Variants in PID1 observed in about 807,000 individuals in gnomAD.
PID1 encodes phosphotyrosine interaction domain containing 1.
A neutral mutation model predicts 19.1 loss-of-function variants in PID1; 10 were observed. The ratio of observed to expected loss-of-function variants is 0.52; its 90% CI spans 0.32 to 0.89. The LOEUF is 0.89. PID1 is among the 40% of genes least tolerant of loss of function. PID1 has a pLI of 0.03. For missense variants in PID1, 248 were observed against 285.3 expected, an observed-to-expected ratio of 0.87 and a Z score of 0.94; for synonymous variants, 130 against 116.0, an observed-to-expected ratio of 1.12 and a Z score of -0.78.
At chr2:229,248,763 AT>A (rs202178326) in intron 1 of PID1, among the ~76,000 whole-genome samples, 4,442 of 151,322 alleles carry the variant, frequency 0.029, 190 homozygotes, top group African/African-American at 0.096. Flanking sequence ...TCATAGACTT[AT>A]TTTTTTTTAA....
chr2:229,112,361 C>G (rs1310353238), intron 2 of PID1, among the ~76,000 whole-genome samples: 2 of 152,198 alleles, frequency 1.3e-5, no homozygotes, highest in African/African-American at 4.8e-5. Flanking sequence ...CTTACACCAT[C>G]ATTGGAGTTC....
intron 2 of PID1, among the ~76,000 whole-genome samples, chr2:229,113,370 G>A (rs1162301616): frequency 1.4e-5 from 2 of 146,876 alleles, no homozygotes; most frequent in African/African-American, 2.5e-5. Flanking sequence ...TTAATGTCTG[G>A]AGCCCCTACT....
At chr2:229,216,010 G>C (rs1166949538) in intron 1 of PID1, among the ~76,000 whole-genome samples, 2 of 152,152 alleles carry the variant, frequency 1.3e-5, no homozygotes, top group Non-Finnish European at 2.9e-5. Flanking sequence ...ATACCAGGAG[G>C]AGTTCAGCAA....
At chr2:229,167,556 G>A (rs1398906906) in intron 1 of PID1, among the ~76,000 whole-genome samples, 1 of 152,032 alleles carries the variant, frequency 6.6e-6, no homozygotes, top group Non-Finnish European at 1.5e-5. Flanking sequence ...AGTTATAAAA[G>A]GCAGAGAATG....
chr2:229,211,832 T>C (rs570252075), intron 1 of PID1, among the ~76,000 whole-genome samples: 1 of 152,326 alleles, frequency 6.6e-6, no homozygotes, highest in East Asian at 1.9e-4. Flanking sequence ...TAGCCTGCAG[T>C]GAAATGTTTG....
intron 2 of PID1, among the ~76,000 whole-genome samples, chr2:229,140,233 C>A (rs935306294): frequency 6.6e-6 from 1 of 152,002 alleles, no homozygotes; most frequent in South Asian, 2.1e-4. Context: ...AATACATAGG[C>A]CGACACTGGA....
intron 1 of PID1, among the ~76,000 whole-genome samples, chr2:229,180,865 C>T (rs538417713): frequency 2.0e-5 from 3 of 152,326 alleles, no homozygotes; most frequent in South Asian, 2.1e-4. Flanking sequence ...CCCTTCGGAA[C>T]GGCGCTCGCC....
intron 1 of PID1, among the ~76,000 whole-genome samples, chr2:229,209,648 A>G (rs940317985): frequency 6.6e-6 from 1 of 152,240 alleles, no homozygotes. Context: ...TTCATATATT[A>G]CATCCTATTA....
At chr2:229,109,888 T>C (rs1353006747) in intron 2 of PID1, among the ~76,000 whole-genome samples, 1 of 152,078 alleles carries the variant, frequency 6.6e-6, no homozygotes, top group Non-Finnish European at 1.5e-5. Context: ...CAAACCACAG[T>C]TTTTTCCCTT....
chr2:229,139,011 G>GAAAGAAAGAAAGAA (rs1394293273), intron 2 of PID1, among the ~76,000 whole-genome samples: 8 of 86,166 alleles, frequency 9.3e-5, no homozygotes, highest in Non-Finnish European at 1.8e-4. Context: ...AAGAAAGAAA[G>GAAAGAAAGAAAGAA]AAAGAAAGAA....
intron 2 of PID1, among the ~76,000 whole-genome samples, chr2:229,057,685 T>C (rs1694132874): frequency 6.6e-6 from 1 of 152,168 alleles, no homozygotes; most frequent in South Asian, 2.1e-4. Flanking sequence ...TAAAATAATA[T>C]TGCAGATTGT....
intron 2 of PID1, among the ~76,000 whole-genome samples, chr2:229,146,164 AGTCTATCATT>A (rs1435013563): frequency 6.6e-6 from 1 of 152,116 alleles, no homozygotes; most frequent in Non-Finnish European, 1.5e-5. Context: ...TTCTTTATCC[AGTCTATCATT>A]GATGGGCATT....
At chr2:229,058,115 C>T (rs992513685) in intron 2 of PID1, among the ~76,000 whole-genome samples, 5 of 152,144 alleles carry the variant, frequency 3.3e-5, no homozygotes, top group Admixed American at 6.5e-5. Context: ...GCTGCTTCTC[C>T]GTGGACACCC....
chr2:229,117,007 T>C (rs1248630709), intron 2 of PID1, among the ~76,000 whole-genome samples: 2 of 152,178 alleles, frequency 1.3e-5, no homozygotes, highest in Non-Finnish European at 2.9e-5. Context: ...ACCTCTTCGC[T>C]TCTCATGTGT....
chr2:229,078,464 C>T (rs907378460), intron 2 of PID1, among the ~76,000 whole-genome samples: 6 of 152,166 alleles, frequency 3.9e-5, no homozygotes, highest in African/African-American at 1.4e-4. Context: ...AGAGCATCCT[C>T]ACCTTGTGCG....
At chr2:229,106,629 G>A (rs559035013) in intron 2 of PID1, among the ~76,000 whole-genome samples, 19 of 152,308 alleles carry the variant, frequency 1.2e-4, no homozygotes, top group Admixed American at 3.9e-4. Context: ...CATAGAAGGC[G>A]CCATCTATGA....
In PID1 at chr2:229,123,968, AGGCTAAT is replaced by A. The variant is rs1052625903; in HGVS notation, c.177+31843_177+31849del. On this transcript the variant is annotated intron_variant, in intron 2 of 2. Coordinates refer to ENST00000392055, the MANE Select transcript of PID1 (RefSeq NM_001100818.2). Reference sequence around the variant, plus strand: ...TCTTCAATATTTTAGTGCACAAAGTAGGCTAATGCTGGGTAATGAACCTGCTTTAGGG... The same window carrying A: ...TCTTCAATATTTTAGTGCACAAAGTAGCTGGGTAATGAACCTGCTTTAGGG... 3.3e-5 allele frequency among the ~76,000 whole-genome samples: 5 copies of A among 152,288 alleles called. No homozygotes were observed. The South Asian group carries it at 8.3e-4, about 25-fold the overall frequency.
Position 229,201,437 on chromosome 2 carries a change from C to T in PID1, c.31-45473G>A, listed in dbSNP as rs533581863. On this transcript the variant is annotated intron_variant, in intron 1 of 2. Transcript: ENST00000392055. Reference sequence around the variant, plus strand: ...TAATGCCCTCAAGGTTCATCCATGTCGTGGCATGTGTCAGAATTCCCTTCC... The same window carrying T: ...TAATGCCCTCAAGGTTCATCCATGTTGTGGCATGTGTCAGAATTCCCTTCC... Among the ~76,000 whole-genome samples, 61 of 152,094 alleles carry T rather than the reference C, an allele frequency of 4.0e-4. 1 individual carries two copies. Among genetic ancestry groups the T allele is most frequent in the African/African-American group, 1.5e-3 (61 of 41,526 alleles).
intron 1 of PID1, among the ~76,000 whole-genome samples, chr2:229,218,083 A>G (rs1276852141): frequency 6.6e-6 from 1 of 152,098 alleles, no homozygotes; most frequent in East Asian, 1.9e-4. Context: ...ATAGTCCTTT[A>G]CTTTCATTAA....
Sources: allele counts gnomAD v4.1 joint callset (sites outside exome capture counted in the v4.1 genomes callset), GRCh38; gene constraint gnomAD v4.1.1; transcripts MANE v1.5; gene names NCBI Gene and HGNC (gene_info 2026-07-23, HGNC 2026-07-21).